Variants in MED13L observed in about 807,000 individuals in gnomAD.
MED13L encodes mediator complex subunit 13L.
In MED13L, 7 loss-of-function variants were observed where a neutral mutation model predicts 220.9. That is an observed-to-expected ratio of 0.03 (90% CI 0.02 to 0.06). MED13L has a LOEUF of 0.06. MED13L is among the 10% of genes least tolerant of loss of function. The pLI is 1.00. For missense variants in MED13L, 1,965 were observed against 2,760.5 expected (o/e 0.71, Z 6.46); for synonymous variants, 1,011 against 1,015.2 (o/e 1.00, Z 0.08).
At chr12:116,263,285 G>T (rs188250433) in intron 1 of MED13L, among the ~76,000 whole-genome samples, 5 of 152,028 alleles carry the variant, frequency 3.3e-5, no homozygotes, top group Admixed American at 2.0e-4. Context: ...ACTAAAAAAA[G>T]AATTATAAAT....
chr12:116,001,737 C>T (rs1307882601), intron 14 of MED13L, among the ~76,000 whole-genome samples: 2 of 152,188 alleles, frequency 1.3e-5, no homozygotes, highest in East Asian at 1.9e-4. Context: ...TTCTGTGCTA[C>T]ATTTCATATT....
In MED13L at chr12:115,991,125, T is replaced by C; in HGVS notation, c.3829A>G (p.Asn1277Asp). The change falls in exon 17 of 31, where the codon AAT (asparagine) becomes GAT (aspartate). Residue 1277 changes from asparagine (N) to aspartate (D), a missense_variant. This residue lies in a region of MED13L where 165 missense variants were observed against 190.8 expected (regional missense o/e 0.86). Coordinates refer to ENST00000281928, the MANE Select transcript of MED13L (RefSeq NM_015335.5). This position sits in a 1 kb window ranked among gnomAD's most constrained non-coding sequence, Gnocchi z 7.7. ...DNNDYWTECF[N>D]ALEQGRQYVD... The stretch of plus-strand genomic sequence containing the variant: ...TACTGCCGCCCCTGCTCCAACGCAT[T>C]AAAGCATTCCGTCCAGTAATCATTA... The C allele has an allele frequency of 6.2e-7, 1 of 1,614,164 alleles. No homozygotes were observed. Among genetic ancestry groups the C allele is most frequent in the South Asian group, 1.1e-5 (1 of 91,082 alleles).
intron 1 of MED13L, among the ~76,000 whole-genome samples, chr12:116,256,231 A>C (rs1183665707): frequency 6.6e-6 from 1 of 151,990 alleles, no homozygotes; most frequent in African/African-American, 2.4e-5. Flanking sequence ...AAAGCAGTAC[A>C]TTAATTTTCA....
At chr12:116,001,959 G>A (rs904247615) in intron 14 of MED13L, among the ~76,000 whole-genome samples, 3 of 152,140 alleles carry the variant, frequency 2.0e-5, no homozygotes, top group Admixed American at 1.3e-4. Context: ...TACGCATCAC[G>A]TCATGTCAAA....
chr12:116,033,250 T>C, intron 4 of MED13L, among the ~76,000 whole-genome samples: 1 of 152,160 alleles, frequency 6.6e-6, no homozygotes, highest in East Asian at 1.9e-4. Context: ...AAACAAATGC[T>C]AGAATATTTC....
At chr12:116,020,228 TATG>T (rs1425778049) in intron 5 of MED13L, among the ~76,000 whole-genome samples, 1 of 152,202 alleles carries the variant, frequency 6.6e-6, no homozygotes, top group Non-Finnish European at 1.5e-5. Flanking sequence ...GCCACAAAAG[TATG>T]ATATTTTGAA....
At chr12:116,267,051 T>A (rs1872887154) in intron 1 of MED13L, among the ~76,000 whole-genome samples, 1 of 152,226 alleles carries the variant, frequency 6.6e-6, no homozygotes, top group South Asian at 2.1e-4. Flanking sequence ...TGACATTCCC[T>A]GAGACAAATC....
chr12:115,987,085 T>C (rs1404253905), intron 18 of MED13L, 24 bp downstream of exon 18: 2 of 1,613,000 alleles, frequency 1.2e-6, no homozygotes, highest in Non-Finnish European at 1.7e-6. Context: ...TCAGAAGGAA[T>C]TTTAAACAGG....
intron 1 of MED13L, among the ~76,000 whole-genome samples, chr12:116,259,648 TCTAC>T (rs1872349334): frequency 6.6e-6 from 1 of 152,186 alleles, no homozygotes; most frequent in African/African-American, 2.4e-5. Context: ...CATGAATCTT[TCTAC>T]CTTATGTGTG....
intron 2 of MED13L, among the ~76,000 whole-genome samples, chr12:116,143,008 C>CT (rs1208292343): frequency 6.6e-6 from 1 of 152,164 alleles, no homozygotes; most frequent in Non-Finnish European, 1.5e-5. Flanking sequence ...GGCTCAGGGT[C>CT]TGCTGGCTTC....
chr12:116,172,861 C>T (rs1879778283), intron 2 of MED13L, among the ~76,000 whole-genome samples: 1 of 149,468 alleles, frequency 6.7e-6, no homozygotes. Context: ...CTTCCTGCCA[C>T]AGTGTCTTGC....
At chr12:116,167,299 G>T (rs77784334) in intron 2 of MED13L, among the ~76,000 whole-genome samples, 1 of 152,044 alleles carries the variant, frequency 6.6e-6, no homozygotes, top group Non-Finnish European at 1.5e-5. Flanking sequence ...AGCATCCCTC[G>T]AATACAAGCA....
At chr12:115,978,833 T>C (rs1450040987) in intron 23 of MED13L, among the ~76,000 whole-genome samples, 1 of 152,238 alleles carries the variant, frequency 6.6e-6, no homozygotes, top group Non-Finnish European at 1.5e-5. Flanking sequence ...AGATGCGAGA[T>C]ATTCCATGAA....
chr12:116,238,058 G>T (rs913215481), intron 1 of MED13L, among the ~76,000 whole-genome samples: 5 of 152,102 alleles, frequency 3.3e-5, no homozygotes, highest in Admixed American at 1.3e-4. Flanking sequence ...ATTATATTTA[G>T]AAATCAAGTA....
chr12:116,228,140 G>A (rs1364150413), intron 2 of MED13L, among the ~76,000 whole-genome samples: 1 of 152,094 alleles, frequency 6.6e-6, no homozygotes, highest in African/African-American at 2.4e-5. Context: ...GGAGAGAGGT[G>A]AGGAAGCAAA....
chr12:116,191,878 T>TA (rs1881310718), intron 2 of MED13L, among the ~76,000 whole-genome samples: 4 of 151,776 alleles, frequency 2.6e-5, no homozygotes, highest in Admixed American at 2.0e-4. Context: ...GCATCAAAAG[T>TA]AAAAAAGGCA....
At chr12:116,174,483 T>G (rs1342585750) in intron 2 of MED13L, 1 of 151,344 alleles carries the variant, frequency 6.6e-6, no homozygotes, top group Non-Finnish European at 1.5e-5. Context: ...CTCGTTTTTG[T>G]TTTGTTTTTT....
chr12:116,208,047 G>A (rs956385238), intron 2 of MED13L, among the ~76,000 whole-genome samples: 5 of 152,150 alleles, frequency 3.3e-5, no homozygotes, highest in Admixed American at 6.5e-5. Context: ...AAAACTACTC[G>A]GAGGTCACCT....
chr12:116,111,038 T>C (rs749176706), intron 3 of MED13L, among the ~76,000 whole-genome samples: 6 of 152,188 alleles, frequency 3.9e-5, no homozygotes, highest in South Asian at 4.1e-4. Flanking sequence ...ACGGGTTAGA[T>C]AATGGCATTT....
Sources: gnomAD v4.1 joint callset for allele counts (sites outside exome capture counted in the v4.1 genomes callset) on GRCh38, gnomAD v4.1.1 for gene constraint, gnomAD v4.1.1 regional missense constraint, Gnocchi (gnomAD v3.1) non-coding constraint, MANE v1.5 for transcripts, NCBI Gene and HGNC (gene_info 2026-07-23, HGNC 2026-07-21) for gene names.